The following TENM3 variants were observed in gnomAD, a reference collection of about 807,000 sequenced individuals.
TENM3 encodes teneurin-3.
Under a neutral mutation model 255.1 loss-of-function variants are expected in TENM3, and 63 were observed. The observed-to-expected ratio is 0.25, with a 90% CI of 0.20 to 0.30. TENM3 has a LOEUF of 0.30. Among genes scored for constraint, TENM3 ranks in the 10% least tolerant of loss-of-function variants. The probability of loss-of-function intolerance (pLI) is 1.00; values close to 1 mark genes in which losing one functional copy is unlikely to be tolerated. For synonymous variants in TENM3, 1,306 were observed against 1,322.3 expected, an observed-to-expected ratio of 0.99 and a Z score of 0.27; for missense variants, 2,929 against 3,461.1, an observed-to-expected ratio of 0.85 and a Z score of 3.86.
chr4:181,824,403 C>T, the TENM3 span, among the ~76,000 whole-genome samples: 3 of 152,034 alleles, frequency 2.0e-5, no homozygotes, highest in Non-Finnish European at 4.4e-5. Flanking sequence ...ACCCGACCAA[C>T]ATAATCTATT....
At chr4:181,645,269 G>T in the TENM3 span, among the ~76,000 whole-genome samples, 2 of 152,168 alleles carry the variant, frequency 1.3e-5, no homozygotes, top group Admixed American at 1.3e-4. Flanking sequence ...CCTGGATCCT[G>T]CCTCTCCTCA....
the TENM3 span, among the ~76,000 whole-genome samples, chr4:182,020,421 G>A: frequency 6.6e-6 from 1 of 152,018 alleles, no homozygotes; most frequent in South Asian, 2.1e-4. Context: ...GGGGAATAGA[G>A]AGAGATTGGT....
rs34376758 is a variant in TENM3, at chr4:182,230,127, T to TA, written c.-76+85394dup. ...ATGTCCGCTGCTTGCTTGATGCTACTAAAAAAAAAAAAAAAAAAAAATCTT... is the reference window on the plus strand; with the variant it reads ...ATGTCCGCTGCTTGCTTGATGCTACTAAAAAAAAAAAAAAAAAAAAAATCTT... On this transcript the variant is annotated intron_variant, in intron 1 of 2. Transcript: ENST00000512480. 8.8e-3 allele frequency among the ~76,000 whole-genome samples: 1,187 copies of TA among 134,260 alleles called. 8 individuals carry two copies. The highest frequency in any genetic ancestry group is 0.021 in the African/African-American group (774 of 36,104). The allele number at this position is 134,260 out of a possible 152,430, so 88.1% of individuals were successfully genotyped here.
the TENM3 span, among the ~76,000 whole-genome samples, chr4:182,015,022 G>T: frequency 1.3e-5 from 2 of 152,122 alleles, no homozygotes; most frequent in Non-Finnish European, 2.9e-5. Context: ...AGGGACACAA[G>T]GCCTCTAATA....
the TENM3 span, among the ~76,000 whole-genome samples, chr4:181,695,102 A>G: frequency 1.3e-5 from 2 of 152,184 alleles, no homozygotes; most frequent in African/African-American, 4.8e-5. Context: ...TCTGTTTGTT[A>G]TAATTGACTA....
intron 11 of TENM3, among the ~76,000 whole-genome samples, chr4:182,685,973 C>A (rs530255687): frequency 6.6e-6 from 1 of 151,890 alleles, no homozygotes; most frequent in Admixed American, 6.5e-5. Flanking sequence ...AATTGGCTGC[C>A]AAAAATCACA....
chr4:181,507,846 CCTCT>C, the TENM3 span, among the ~76,000 whole-genome samples: 15,870 of 152,152 alleles, frequency 0.1, 847 homozygotes, highest in Middle Eastern at 0.16. Context: ...GTTTTCTTCG[CCTCT>C]CTCTTTTTTT....
chr4:182,399,183 C>T (rs1004760418), intron 3 of TENM3, among the ~76,000 whole-genome samples: 1 of 152,036 alleles, frequency 6.6e-6, no homozygotes, highest in Non-Finnish European at 1.5e-5. Flanking sequence ...CTCAAATGCC[C>T]GGTTCACACC....
the TENM3 span, among the ~76,000 whole-genome samples, chr4:181,510,749 A>G: frequency 6.6e-6 from 1 of 152,218 alleles, no homozygotes; most frequent in Admixed American, 6.5e-5. Context: ...AAAGTCAGGA[A>G]AGCAGAACTC....
chr4:181,524,867 G>A, the TENM3 span, among the ~76,000 whole-genome samples: 2 of 152,114 alleles, frequency 1.3e-5, no homozygotes, highest in East Asian at 1.9e-4. Flanking sequence ...CTCGGACCAC[G>A]CACCCTCAAT....
chr4:181,935,377 A>G, the TENM3 span, among the ~76,000 whole-genome samples: 1 of 152,254 alleles, frequency 6.6e-6, no homozygotes, highest in Non-Finnish European at 1.5e-5. Context: ...CCCTAGAGCT[A>G]TAAGCCACCA....
the TENM3 span, among the ~76,000 whole-genome samples, chr4:181,744,928 T>A: frequency 6.6e-6 from 1 of 152,204 alleles, no homozygotes; most frequent in Non-Finnish European, 1.5e-5. Flanking sequence ...CCTCTTAGAT[T>A]TCTAATTGCA....
At chr4:181,753,161 G>A in the TENM3 span, among the ~76,000 whole-genome samples, 1 of 152,156 alleles carries the variant, frequency 6.6e-6, no homozygotes, top group Non-Finnish European at 1.5e-5. Context: ...TGTACAAATA[G>A]CATTAGGACA....
chr4:182,778,738 A>C (rs1764898536), intron 24 of TENM3, among the ~76,000 whole-genome samples: 1 of 151,272 alleles, frequency 6.6e-6, no homozygotes, highest in African/African-American at 2.4e-5. Flanking sequence ...GCTGGACATG[A>C]TCTTTGAAAA....
At chr4:182,650,924 A>ATATATATATAT (rs1491428844) in intron 5 of TENM3, among the ~76,000 whole-genome samples, 1 of 10,510 alleles carries the variant, frequency 9.5e-5, no homozygotes, top group South Asian at 3.4e-3. Context: ...ATATATATAT[A>ATATATATATAT]AAACAAAGCT....
intron 3 of TENM3, among the ~76,000 whole-genome samples, chr4:182,348,885 C>T (rs1339239978): frequency 8.5e-5 from 13 of 152,122 alleles, no homozygotes; most frequent in African/African-American, 3.1e-4. Context: ...GTGAGTTTCT[C>T]ATACCACTGC....
At chr4:182,226,151 C>G (rs576383143) in intron 1 of TENM3, among the ~76,000 whole-genome samples, 12 of 151,940 alleles carry the variant, frequency 7.9e-5, no homozygotes, top group Non-Finnish European at 1.8e-4. Flanking sequence ...CAGCAAAGAC[C>G]GAAAAGCTGG....
chr4:182,765,512 CCTTA>C (rs1372471634), intron 22 of TENM3, among the ~76,000 whole-genome samples: 2 of 152,294 alleles, frequency 1.3e-5, no homozygotes, highest in African/African-American at 2.4e-5. Flanking sequence ...CTCTGCCTCC[CCTTA>C]CTTCTTGCAC....
At chr4:182,228,999 G>T (rs1451345199) in intron 1 of TENM3, among the ~76,000 whole-genome samples, 5 of 152,130 alleles carry the variant, frequency 3.3e-5, no homozygotes, top group African/African-American at 1.2e-4. Flanking sequence ...TTGGGCTGGT[G>T]GATGACACTG....
Sources: allele counts gnomAD v4.1 joint callset (sites outside exome capture counted in the v4.1 genomes callset), GRCh38; gene constraint gnomAD v4.1.1; transcripts MANE v1.5; gene names NCBI Gene and HGNC (gene_info 2026-07-23, HGNC 2026-07-21).